The following UTP4 variants were observed in gnomAD, a reference collection of about 807,000 sequenced individuals.
The protein encoded by UTP4 is UTP4 small subunit processome component.
Under a neutral mutation model 82.4 loss-of-function variants are expected in UTP4, and 45 were observed. That is an observed-to-expected ratio of 0.55 (90% CI 0.43 to 0.70). UTP4 has a LOEUF of 0.70. UTP4 is among the 30% of genes least tolerant of loss of function. The pLI is 0.00. For synonymous variants in UTP4, 348 were observed against 300.3 expected (o/e 1.16, Z -1.64); for missense variants, 819 against 858.3 (o/e 0.95, Z 0.57).
chr16:69,150,703 C>G lies in UTP4; in HGVS notation c.905C>G (p.Ser302Cys). The change falls in exon 7 of 17, where the codon TCT (serine) becomes TGT (cysteine). Residue 302 changes from serine to cysteine, a missense_variant. Coordinates refer to ENST00000314423, the MANE Select transcript of UTP4 (RefSeq NM_032830.3). ...TVAHSPTALISGGTDTHLVFR... is the reference protein window; with the variant it reads ...TVAHSPTALICGGTDTHLVFR... ...GCCCACAGCCCAACAGCGCTGATAT[C>G]TGGAGGTGGGTTCCCCCTCTGGTGA... The G allele has an allele frequency of 1.2e-6, 2 of 1,614,220 alleles. No homozygotes were observed. The highest frequency in any genetic ancestry group is 8.5e-7 in the Non-Finnish European group (1 of 1,180,040).
At chr16:69,132,965 A>G (rs1962675590) in intron 1 of UTP4, 2 of 218,468 alleles carry the variant, frequency 9.2e-6, no homozygotes, top group East Asian at 1.4e-4. Context: ...CCTGGTCTCT[A>G]CTCTCGGCCA....
At chr16:69,157,809 T>C in intron 12 of UTP4, among the ~76,000 whole-genome samples, 1 of 151,426 alleles carries the variant, frequency 6.6e-6, no homozygotes, top group Non-Finnish European at 1.5e-5. Context: ...GTTGACAAAG[T>C]TGGTCTTGAA....
chr16:69,154,966 C>G (rs1033058937), intron 10 of UTP4, among the ~76,000 whole-genome samples: 1 of 152,020 alleles, frequency 6.6e-6, no homozygotes, highest in Non-Finnish European at 1.5e-5. Context: ...GTGATCCGCC[C>G]GCCTTGGCCT....
At chr16:69,159,103 CAG>C in intron 12 of UTP4, among the ~76,000 whole-genome samples, 1 of 151,954 alleles carries the variant, frequency 6.6e-6, no homozygotes, top group Non-Finnish European at 1.5e-5. Flanking sequence ...TTTCAAAAGA[CAG>C]AGTTTCTTGT....
At position 69,160,420 on chromosome 16, in the gene UTP4, T is replaced by G. The variant is rs1597151121; in HGVS notation, c.1509T>G (p.Gly503=). 6.2e-7 allele frequency: 1 copy of G among 1,614,116 alleles called. No homozygotes were observed. The highest frequency in any genetic ancestry group is 8.5e-7 in the Non-Finnish European group (1 of 1,179,994). Reference sequence around the variant, plus strand: ...ATGGGAATTGGCTAGCTGCATCAGGTACCAGTGCTGGAGTCCATGTCTACA... The same window carrying G: ...ATGGGAATTGGCTAGCTGCATCAGGGACCAGTGCTGGAGTCCATGTCTACA... ...SPDGNWLAAS[G]TSAGVHVYNV... Residue 503 remains glycine (G), a synonymous_variant, in exon 13 of 17, where the codon GGT becomes GGG. Transcript: ENST00000314423.
chr16:69,167,870 T>A (rs1963739277), intron 16 of UTP4: 1 of 151,306 alleles, frequency 6.6e-6, no homozygotes, highest in Non-Finnish European at 1.5e-5. Context: ...AAAAATTAGC[T>A]AGGTGTGGTG....
At chr16:69,154,510 A>T in intron 10 of UTP4, 53 bp downstream of exon 10, 1 of 1,286,592 alleles carries the variant, frequency 7.8e-7, no homozygotes, top group Admixed American at 1.7e-5. Context: ...CTAGGCTCAT[A>T]ATTCCCATTC....
intron 14 of UTP4, among the ~76,000 whole-genome samples, chr16:69,164,700 C>T (rs913008767): frequency 1.3e-5 from 2 of 149,610 alleles, no homozygotes; most frequent in African/African-American, 2.5e-5. Flanking sequence ...TTGTAGTAGA[C>T]AAAGATATGA....
rs1448420112 is a variant in UTP4 at position 69,136,775 on chromosome 16, A to G, written c.239A>G (p.Asn80Ser). Residue 80 changes from asparagine to serine, a missense_variant, in exon 3 of 17, where the codon AAT (asparagine) becomes AGT (serine). Coordinates refer to ENST00000314423, the MANE Select transcript of UTP4 (RefSeq NM_032830.3). ...CAGCGACTCTTTAGTGCTGGGCTCA[A>G]TGGCGAGATTATGGAGTATGATTTA... The part of the protein sequence containing the change: ...EGQRLFSAGL[N>S]GEIMEYDLQA... 5 of 1,614,164 alleles carry G rather than the reference A, an allele frequency of 3.1e-6. No individual in the cohort carries two copies. The highest frequency in any genetic ancestry group is 1.7e-5 in the Admixed American group (1 of 60,018).
rs370682701 is a variant in UTP4 at position 69,143,182 on chromosome 16, C to T, written c.531C>T (p.Ser177=). 1.6e-5 allele frequency: 26 copies of T among 1,613,886 alleles called. No homozygotes were observed. The highest frequency in any genetic ancestry group is 2.2e-5 in the South Asian group (2 of 91,086). ...TGTGCTTTTCTGATTTTTCAGGCAG[C>T]GCTGTTCATAAGATGATTGTGGACA... is the stretch of plus-strand genomic sequence containing the variant. ...YISVFDVKSG[S]AVHKMIVDRQ... Residue 177 remains serine, a synonymous_variant, in exon 6 of 17, where the codon AGC becomes AGT. Coordinates refer to ENST00000314423, the MANE Select transcript of UTP4 (RefSeq NM_032830.3).
chr16:69,168,516 A>G (rs575425431), intron 16 of UTP4, among the ~76,000 whole-genome samples: 32 of 151,704 alleles, frequency 2.1e-4, no homozygotes, highest in African/African-American at 7.5e-4. Context: ...CCAGCTACTC[A>G]GGAGACTGAG....
intron 12 of UTP4, among the ~76,000 whole-genome samples, chr16:69,158,221 G>A (rs1213443286): frequency 7.7e-6 from 1 of 129,932 alleles, no homozygotes; most frequent in African/African-American, 3.0e-5. Flanking sequence ...GCCGAGGCTG[G>A]AGTGCAGTGG....
At chr16:69,164,082 C>T (rs1475579073) in intron 14 of UTP4, among the ~76,000 whole-genome samples, 2 of 152,052 alleles carry the variant, frequency 1.3e-5, no homozygotes, top group Non-Finnish European at 1.5e-5. Context: ...GATGGAGTTT[C>T]ACCATGTTAG....
chr16:69,157,145 C>G lies in UTP4; in HGVS notation c.1349C>G (p.Thr450Arg). 1.2e-6 allele frequency: 2 copies of G among 1,614,198 alleles called. No individual in the cohort carries two copies. The highest frequency in any genetic ancestry group is 1.7e-6 in the Non-Finnish European group (2 of 1,180,030). ...CAGATTTTGTTTTCTGAAGATTCAA[C>G]AAAGCTCTTTGTAGCATCAAATCAA... ...ALQILFSEDS[T>R]KLFVASNQGA... Residue 450 changes from threonine (T) to arginine (R), a missense_variant, in exon 12 of 17, where the codon ACA becomes AGA. Transcript: ENST00000314423.
At chr16:69,159,555 G>A (rs1963510897) in intron 12 of UTP4, among the ~76,000 whole-genome samples, 1 of 152,066 alleles carries the variant, frequency 6.6e-6, no homozygotes, top group African/African-American at 2.4e-5. Flanking sequence ...GGGTGTGGTG[G>A]TGCACGCCTG....
chr16:69,137,486 C>T (rs1962840009), intron 3 of UTP4, among the ~76,000 whole-genome samples: 1 of 152,030 alleles, frequency 6.6e-6, no homozygotes, highest in African/African-American at 2.4e-5. Flanking sequence ...TTATTTAGGC[C>T]AAGGGTCTCT....
At chr16:69,144,039 C>CG (rs1467501958) in intron 6 of UTP4, among the ~76,000 whole-genome samples, 3 of 151,614 alleles carry the variant, frequency 2.0e-5, no homozygotes, top group Non-Finnish European at 4.4e-5. Flanking sequence ...AGGCCCCTGT[C>CG]ACCACACCCA....
rs771830711 is a variant in UTP4, at chr16:69,157,050, C to T, written c.1288-34C>T. The T allele has an allele frequency of 3.7e-6, 6 of 1,612,834 alleles. No homozygotes were observed. The South Asian group carries it at 4.4e-5, about 12-fold the overall frequency. Reference sequence around the variant, plus strand: ...TTCTGATGGGCTGTAGGTCTCCCTTCTCTCACTGGCTTTTATTATTGGTTC... The same window carrying T: ...TTCTGATGGGCTGTAGGTCTCCCTTTTCTCACTGGCTTTTATTATTGGTTC... On this transcript the variant is annotated intron_variant, in intron 11 of 16. Coordinates refer to ENST00000314423, the MANE Select transcript of UTP4 (RefSeq NM_032830.3).
chr16:69,139,386 C>T (rs939690114), intron 4 of UTP4, among the ~76,000 whole-genome samples: 1 of 151,848 alleles, frequency 6.6e-6, no homozygotes, highest in African/African-American at 2.4e-5. Context: ...CACCTGTAAT[C>T]CCAGTACTTT....
Sources: gnomAD v4.1 joint callset for allele counts (sites outside exome capture counted in the v4.1 genomes callset) on GRCh38, gnomAD v4.1.1 for gene constraint, MANE v1.5 for transcripts, NCBI Gene and HGNC (gene_info 2026-07-23, HGNC 2026-07-21) for gene names.